RPL31: variants seen among roughly 807,000 people sequenced by gnomAD.
RPL31 encodes ribosomal protein L31.
For synonymous variants in RPL31, 51 were observed against 55.0 expected (o/e 0.93, Z 0.32); for missense variants, 95 against 164.0 (o/e 0.58, Z 2.30).
intron 3 of RPL31, 145 bp downstream of exon 3, chr2:101,004,428 T>C (rs1573834245): frequency 1.2e-6 from 1 of 838,808 alleles, no homozygotes; most frequent in Non-Finnish European, 1.8e-6. Flanking sequence ...TGACTTAGGG[T>C]GTGTAGTATC....
At chr2:101,005,645 A>G in intron 3 of RPL31, 1 of 301,132 alleles carries the variant, frequency 3.3e-6, no homozygotes, top group East Asian at 7.9e-5. Flanking sequence ...TCACGTAACA[A>G]AGTTTCTGGT....
chr2:101,010,848 C>G (rs1196468419), downstream of RPL31: 2 of 1,245,442 alleles, frequency 1.6e-6, no homozygotes, highest in African/African-American at 3.0e-5. Flanking sequence ...CGCCACTGTA[C>G]TCCAGCCTGG....
chr2:101,011,206 C>T (rs944423673), downstream of RPL31: 3 of 703,116 alleles, frequency 4.3e-6, no homozygotes, highest in African/African-American at 3.6e-5. Context: ...GGGACTTCTG[C>T]TCTAAGAGGA....
intron 2 of RPL31, among the ~76,000 whole-genome samples, chr2:101,003,316 T>G (rs535299394): frequency 6.6e-6 from 1 of 152,174 alleles, no homozygotes; most frequent in African/African-American, 2.4e-5. Context: ...GCCATCTGTT[T>G]TGTTTTGTTT....
rs143479374 is a variant in RPL31 at position 101,015,580 on chromosome 2, T to C, written c.347-3418T>C. ...TTCTTATTCTATAAACATTTTTCTA[T>C]CAAAAAAATCTTTTTAACTTTTCTG... On this transcript the variant is annotated intron_variant, in intron 4 of 4. Transcript: ENST00000409028. 6.6e-5 allele frequency among the ~76,000 whole-genome samples: 10 copies of C among 152,318 alleles called. No homozygotes were observed. The East Asian group carries it at 1.7e-3, about 26-fold the overall frequency.
rs926392702 is a variant in RPL31, at chr2:101,006,479, T to C, written c.*98T>C. 5 of 1,164,534 alleles carry C rather than the reference T, an allele frequency of 4.3e-6. No individual in the cohort carries two copies. Among genetic ancestry groups the C allele is most frequent in the African/African-American group, 1.6e-5 (1 of 64,248 alleles). 72.1% of individuals were successfully genotyped at this position (1,164,534 alleles called of 1,614,324 possible). On this transcript the variant is annotated 3_prime_UTR_variant, in exon 5 of 5. Coordinates refer to ENST00000264258, the MANE Select transcript of RPL31 (RefSeq NM_000993.5). ...GTACTTGTATACCCTATCCTAATTATGGGATCATTTGAAGAGCTTTTCCCA... is the reference window on the plus strand; with the variant it reads ...GTACTTGTATACCCTATCCTAATTACGGGATCATTTGAAGAGCTTTTCCCA...
intron 4 of RPL31, 118 bp downstream of exon 4, chr2:101,006,189 T>C (rs1363989740): frequency 6.6e-7 from 1 of 1,510,428 alleles, no homozygotes; most frequent in African/African-American, 1.4e-5. Context: ...CTTTTTAAAT[T>C]GTTGGTGTGG....
intron 4 of RPL31, chr2:101,018,075 AATGG>A: frequency 2.7e-6 from 2 of 752,242 alleles, no homozygotes; most frequent in Non-Finnish European, 4.2e-6. Context: ...AATCTAGGCT[AATGG>A]GACTAGATTT....
At chr2:101,016,917 ACTGGTGTGGGGTTGGGGGGATGGGGGAGG>A (rs1679689198) in intron 4 of RPL31, among the ~76,000 whole-genome samples, 2 of 151,494 alleles carry the variant, frequency 1.3e-5, no homozygotes, top group African/African-American at 4.9e-5. Flanking sequence ...CACTCTGGGG[ACTGGTGTGGGGTTGGGGGGATGGGGGAGG>A]GATAGCATTA....
At chr2:101,018,011 C>A in intron 4 of RPL31, 2 of 1,373,482 alleles carry the variant, frequency 1.5e-6, no homozygotes, top group Non-Finnish European at 2.0e-6. Flanking sequence ...CTACTTCAAG[C>A]ATGTGCTCAT....
At chr2:101,012,142 G>A (rs1048461407), downstream of RPL31, among the ~76,000 whole-genome samples, 1 of 152,174 alleles carries the variant, frequency 6.6e-6, no homozygotes, top group Non-Finnish European at 1.5e-5. Context: ...AGCCACTTTA[G>A]TAAACAGTCT....
At chr2:101,004,350 G>A in intron 3 of RPL31, 67 bp downstream of exon 3, 7 of 1,570,254 alleles carry the variant, frequency 4.5e-6, no homozygotes, top group Non-Finnish European at 6.1e-6. Context: ...AACCCTGCAA[G>A]AGCCCATATC....
chr2:101,005,683 C>G (rs1678702465), intron 3 of RPL31: 1 of 417,856 alleles, frequency 2.4e-6, no homozygotes, highest in Admixed American at 4.3e-5. Flanking sequence ...CACATTTGGA[C>G]CATTTGGACC....
chr2:101,002,640 A>T, intron 1 of RPL31, 62 bp from the exon 2 acceptor site: 1 of 1,328,066 alleles, frequency 7.5e-7, no homozygotes, highest in Non-Finnish European at 1.1e-6. Flanking sequence ...TGAGGCTGGG[A>T]GGGAGGACTT....
chr2:101,009,169 G>A (rs1370503294), downstream of RPL31, among the ~76,000 whole-genome samples: 9 of 152,140 alleles, frequency 5.9e-5, no homozygotes, highest in South Asian at 8.3e-4. Flanking sequence ...CAAGGCAGGC[G>A]GATCACGAGG....
intron 2 of RPL31, among the ~76,000 whole-genome samples, chr2:101,003,876 T>A (rs559486388): frequency 7.2e-5 from 11 of 152,338 alleles, no homozygotes; most frequent in Non-Finnish European, 1.3e-4. Flanking sequence ...CTAAGTGTTA[T>A]GCTAATTGCT....
At chr2:101,007,837 T>G, downstream of RPL31, 1 of 1,613,780 alleles carries the variant, frequency 6.2e-7, no homozygotes, top group African/African-American at 1.3e-5. Context: ...GTTACTCAGC[T>G]TAAGTTCAGA....
intron 4 of RPL31, chr2:101,018,200 T>C (rs1382708739): frequency 1.2e-5 from 4 of 326,828 alleles, no homozygotes; most frequent in Non-Finnish European, 1.7e-5. Flanking sequence ...ATTCAAATTA[T>C]AACACTGACT....
downstream of RPL31, among the ~76,000 whole-genome samples, chr2:101,008,860 A>T (rs1313595150): frequency 6.6e-6 from 1 of 152,132 alleles, no homozygotes; most frequent in Non-Finnish European, 1.5e-5. Context: ...ATCTGTAGGG[A>T]TCTTTAAGCT....
Sources: gnomAD v4.1 joint callset for allele counts (sites outside exome capture counted in the v4.1 genomes callset) on GRCh38, gnomAD v4.1.1 for gene constraint, MANE v1.5 for transcripts, NCBI Gene and HGNC (gene_info 2026-07-23, HGNC 2026-07-21) for gene names.